Variants in AGO2 observed in about 807,000 individuals in gnomAD.
AGO2 encodes the protein argonaute RISC catalytic component 2.
A neutral mutation model predicts 102.3 loss-of-function variants in AGO2; 5 were observed. The observed-to-expected ratio is 0.05, with a 90% CI of 0.03 to 0.10. The LOEUF is 0.10. AGO2 is among the 10% of genes least tolerant of loss of function. The pLI is 1.00. For synonymous variants in AGO2, 449 were observed against 473.1 expected (o/e 0.95, Z 0.66); for missense variants, 541 against 1,183.7 (o/e 0.46, Z 7.97).
chr8:140,532,881 C>A (rs1040802446), intron 17 of AGO2, among the ~76,000 whole-genome samples: 2 of 151,862 alleles, frequency 1.3e-5, no homozygotes, highest in African/African-American at 4.8e-5. Context: ...GCCTGTAGTC[C>A]CAGCTACTTG....
At chr8:140,587,959 T>G (rs1010909848) in intron 1 of AGO2, among the ~76,000 whole-genome samples, 1 of 152,034 alleles carries the variant, frequency 6.6e-6, no homozygotes, top group Non-Finnish European at 1.5e-5. Flanking sequence ...CTGGCCTGCA[T>G]CCAAGACTCG....
At chr8:140,555,588 C>T (rs560481638) in intron 10 of AGO2, 2 of 284,146 alleles carry the variant, frequency 7.0e-6, no homozygotes, top group African/African-American at 4.4e-5. Context: ...AGCAGTACAG[C>T]CTTCTGGGAA....
chr8:140,535,342 T>A, intron 17 of AGO2, 126 bp downstream of exon 17: 170 of 803,326 alleles, frequency 2.1e-4, no homozygotes, highest in East Asian at 5.8e-4. Context: ...CCCGGTTCCC[T>A]GGTACTGCCT....
At chr8:140,588,291 C>T (rs1041576398) in intron 1 of AGO2, among the ~76,000 whole-genome samples, 7 of 152,122 alleles carry the variant, frequency 4.6e-5, no homozygotes, top group African/African-American at 1.7e-4. Context: ...TCTAGCACAG[C>T]GCACCTCAGT....
rs576072209 is a variant in AGO2, at chr8:140,531,892, G to A, written c.*152C>T. 5.6e-5 allele frequency: 38 copies of A among 672,830 alleles called. No homozygotes were observed. The highest frequency in any genetic ancestry group is 9.2e-5 in the South Asian group (5 of 54,100). The allele number at this position is 672,830 out of a possible 1,614,324, so 41.7% of individuals were successfully genotyped here. A position where few individuals can be genotyped will look rare whatever the true frequency, so the allele number is the denominator to read the frequency against. ...AAAATCCAAGTTTGAAATCTGGGAC[G>A]GAAGGCATTCTGGAAAACGGAGAAT... On this transcript the variant is annotated 3_prime_UTR_variant, in exon 19 of 19. Transcript: ENST00000220592.
At chr8:140,584,149 A>C (rs112807087) in intron 2 of AGO2, among the ~76,000 whole-genome samples, 6,541 of 151,842 alleles carry the variant, frequency 0.043, 294 homozygotes, top group African/African-American at 0.11. Context: ...AAAAAAAAAA[A>C]AAAACAAAAC....
intron 1 of AGO2, among the ~76,000 whole-genome samples, chr8:140,595,963 AT>A (rs2073835623): frequency 7.9e-6 from 1 of 126,414 alleles, no homozygotes; most frequent in African/African-American, 3.0e-5. Context: ...TATAATATAT[AT>A]AAATTATATA....
intron 14 of AGO2, among the ~76,000 whole-genome samples, chr8:140,543,216 G>A (rs1404942585): frequency 3.3e-5 from 5 of 151,504 alleles, no homozygotes; most frequent in African/African-American, 9.7e-5. Flanking sequence ...ACAAAAAAAC[G>A]ACTCAGCAAA....
intron 1 of AGO2, among the ~76,000 whole-genome samples, chr8:140,622,327 G>A (rs2074229962): frequency 9.6e-6 from 1 of 103,878 alleles, no homozygotes; most frequent in South Asian, 4.1e-4. Flanking sequence ...TGCACATGGG[G>A]TCTCCTCTCG....
chr8:140,526,871 C>T lies in AGO2; in HGVS notation c.*5173G>A, dbSNP rs556899545. Reference sequence around the variant, plus strand: ...GGTGTGACACAGGGTAGCCTGACCACAGAGTGACACACGGGGGCTACAGCA... The same window carrying T: ...GGTGTGACACAGGGTAGCCTGACCATAGAGTGACACACGGGGGCTACAGCA... On this transcript the variant is annotated 3_prime_UTR_variant, in exon 19 of 19. Transcript: ENST00000220592. The surrounding 1 kb of genome is among the most constrained non-coding windows in gnomAD (Gnocchi z 5.2). 6.6e-6 allele frequency: 1 copy of T among 152,362 alleles called. No individual in the cohort carries two copies. Among genetic ancestry groups the T allele is most frequent in the East Asian group, 1.9e-4 (1 of 5,182 alleles). The allele number at this position is 152,362 out of a possible 1,614,324, so 9.4% of individuals were successfully genotyped here.
At position 140,556,001 on chromosome 8, in the gene AGO2, G is replaced by A; in HGVS notation, c.1164C>T (p.Phe388=). Residue 388 remains phenylalanine, a synonymous_variant, in exon 10 of 19, where the codon TTC becomes TTT. Transcript: ENST00000220592. The part of the protein sequence containing the change: ...EISKLMRSAS[F]NTDPYVREFG... The stretch of plus-strand genomic sequence containing the variant: ...ATTCACGGACGTATGGATCTGTGTT[G>A]AAACTTGCACTTCGCATCTGGCAAA... The A allele has an allele frequency of 6.2e-7, 1 of 1,614,192 alleles. No individual in the cohort carries two copies. Among genetic ancestry groups the A allele is most frequent in the South Asian group, 1.1e-5 (1 of 91,080 alleles).
At chr8:140,544,415 T>C (rs1285680027) in intron 13 of AGO2, 112 bp from the exon 14 acceptor site, 2 of 831,472 alleles carry the variant, frequency 2.4e-6, no homozygotes, top group Non-Finnish European at 3.8e-6. Flanking sequence ...GTAATGCTTT[T>C]GAAAAGAATC....
intron 3 of AGO2, among the ~76,000 whole-genome samples, chr8:140,569,080 C>T (rs1384086374): frequency 6.6e-6 from 1 of 152,232 alleles, no homozygotes; most frequent in Non-Finnish European, 1.5e-5. Context: ...GCCTTGGGAG[C>T]CCTTGGCCTC....
intron 1 of AGO2, among the ~76,000 whole-genome samples, chr8:140,586,483 C>T (rs1315973967): frequency 6.6e-6 from 1 of 152,202 alleles, no homozygotes; most frequent in East Asian, 1.9e-4. Context: ...GAGACTCCAT[C>T]TCTAAATAAA....
intron 11 of AGO2, among the ~76,000 whole-genome samples, chr8:140,549,797 C>T (rs1244504421): frequency 1.3e-5 from 2 of 152,224 alleles, no homozygotes; most frequent in Non-Finnish European, 2.9e-5. Flanking sequence ...ATGACATCAT[C>T]ACGAGAGAAA....
intron 14 of AGO2, among the ~76,000 whole-genome samples, chr8:140,543,843 C>G (rs990454510): frequency 2.0e-5 from 3 of 152,198 alleles, no homozygotes; most frequent in African/African-American, 7.2e-5. Context: ...ACGGGCCTGT[C>G]TGGGGTTCGG....
chr8:140,604,823 T>C (rs1183597311), intron 1 of AGO2, among the ~76,000 whole-genome samples: 3 of 61,756 alleles, frequency 4.9e-5, no homozygotes, highest in Non-Finnish European at 7.5e-5. Flanking sequence ...CGAGACTCCA[T>C]CTCAAAAAAA....
At chr8:140,640,675 A>G in the AGO2 span, among the ~76,000 whole-genome samples, 9 of 152,174 alleles carry the variant, frequency 5.9e-5, no homozygotes, top group Admixed American at 1.3e-4. Flanking sequence ...ATGCGCCACC[A>G]TGCCCAGCTA....
At chr8:140,618,100 G>A (rs1229010656) in intron 1 of AGO2, among the ~76,000 whole-genome samples, 2 of 151,730 alleles carry the variant, frequency 1.3e-5, no homozygotes, top group Admixed American at 6.6e-5. Flanking sequence ...TCAGGAGTTC[G>A]AGACCAGCCT....
Sources: allele counts gnomAD v4.1 joint callset (sites outside exome capture counted in the v4.1 genomes callset), GRCh38; gene constraint gnomAD v4.1.1; non-coding constraint Gnocchi (gnomAD v3.1); transcripts MANE v1.5; gene names NCBI Gene and HGNC (gene_info 2026-07-23, HGNC 2026-07-21).